The following TIPIN variants were observed in gnomAD, a reference collection of about 807,000 sequenced individuals.
The protein encoded by TIPIN is TIMELESS interacting protein.
A neutral mutation model predicts 35.6 loss-of-function variants in TIPIN; 29 were observed. The observed-to-expected ratio is 0.82, with a 90% CI of 0.61 to 1.11. The LOEUF is 1.11. TIPIN is among the 50% of genes most tolerant of loss of function. The pLI, the probability that TIPIN is intolerant of heterozygous loss-of-function variation, is 0.00. For missense variants in TIPIN, 296 were observed against 345.4 expected (o/e 0.86, Z 1.13); for synonymous variants, 102 against 121.5 (o/e 0.84, Z 1.06).
chr15:66,359,430 C>T (rs549847986), upstream of TIPIN, among the ~76,000 whole-genome samples: 1 of 152,054 alleles, frequency 6.6e-6, no homozygotes, highest in East Asian at 1.9e-4. Flanking sequence ...ACTGCAGCCT[C>T]AATCTCCTGG....
At chr15:66,339,689 C>G (rs2093071493) in intron 7 of TIPIN, among the ~76,000 whole-genome samples, 1 of 152,068 alleles carries the variant, frequency 6.6e-6, no homozygotes. Context: ...GTCAAGATCA[C>G]ACCACTGCAC....
At chr15:66,359,013 A>G (rs1412041474), upstream of TIPIN, among the ~76,000 whole-genome samples, 1 of 151,434 alleles carries the variant, frequency 6.6e-6, no homozygotes, top group Non-Finnish European at 1.5e-5. Context: ...ACGGCACTCC[A>G]GCCTGGGTGA....
At chr15:66,354,933 A>G (rs1456316537) in intron 1 of TIPIN, among the ~76,000 whole-genome samples, 1 of 151,984 alleles carries the variant, frequency 6.6e-6, no homozygotes, top group Non-Finnish European at 1.5e-5. Context: ...CTCCCAAACT[A>G]GACTGTAGCT....
At chr15:66,338,002 T>C (rs1478350397) in intron 7 of TIPIN, among the ~76,000 whole-genome samples, 1 of 152,172 alleles carries the variant, frequency 6.6e-6, no homozygotes, top group Non-Finnish European at 1.5e-5. Context: ...ATGCCTGTAA[T>C]CTCAGCACTT....
chr15:66,371,241 T>C, intron 1 of TIPIN: 1 of 984,958 alleles, frequency 1.0e-6, no homozygotes, highest in Non-Finnish European at 1.2e-6. Context: ...TATCAAGCTT[T>C]CTACTACCTG....
chr15:66,362,878 G>C (rs1164929698), intron 1 of TIPIN, among the ~76,000 whole-genome samples: 2 of 152,084 alleles, frequency 1.3e-5, no homozygotes, highest in East Asian at 1.9e-4. Context: ...TAAGTGCTGG[G>C]TTGCCAGTGA....
intron 1 of TIPIN, among the ~76,000 whole-genome samples, chr15:66,370,496 AG>A (rs370848278): frequency 8.9e-4 from 90 of 101,556 alleles, no homozygotes; most frequent in African/African-American, 3.3e-3. Flanking sequence ...GAGGGCCAGC[AG>A]GGGCATGGGG....
chr15:66,378,283 G>C (rs939920159), intron 1 of TIPIN, among the ~76,000 whole-genome samples: 11 of 152,020 alleles, frequency 7.2e-5, no homozygotes, highest in African/African-American at 2.4e-4. Context: ...TTATAGGCGT[G>C]AGCCACCGCA....
intron 1 of TIPIN, among the ~76,000 whole-genome samples, chr15:66,384,660 C>T (rs1226036709): frequency 2.6e-5 from 4 of 152,012 alleles, no homozygotes; most frequent in Non-Finnish European, 5.9e-5. Flanking sequence ...CGCCTGTAAA[C>T]CCAGCACTTT....
chr15:66,371,030 G>C (rs1434736421), intron 1 of TIPIN, among the ~76,000 whole-genome samples: 1 of 152,074 alleles, frequency 6.6e-6, no homozygotes, highest in African/African-American at 2.4e-5. Flanking sequence ...GGCCAACATG[G>C]TGAAACCTCG....
chr15:66,371,206 C>CAAAA (rs200596294), intron 1 of TIPIN: 68 of 879,702 alleles, frequency 7.7e-5, no homozygotes, highest in South Asian at 3.2e-4. Flanking sequence ...GGGAAACTCT[C>CAAAA]AAAAAAAAAA....
At chr15:66,351,773 G>A (rs918379101) in intron 3 of TIPIN, among the ~76,000 whole-genome samples, 173 bp from the exon 4 acceptor site, 1 of 151,772 alleles carries the variant, frequency 6.6e-6, no homozygotes, top group African/African-American at 2.4e-5. Flanking sequence ...CCAAGTAGCT[G>A]GGACTACAGG....
intron 1 of TIPIN, among the ~76,000 whole-genome samples, chr15:66,381,454 A>G (rs1478543679): frequency 6.6e-6 from 1 of 152,084 alleles, no homozygotes; most frequent in Non-Finnish European, 1.5e-5. Context: ...ATTAAAAAAA[A>G]AGAATAGAGA....
At chr15:66,342,186 C>CAAAAAAAAAAAAAAAAAAAAAAAAAAAAA (rs55711983) in intron 6 of TIPIN, among the ~76,000 whole-genome samples, 2 of 108,518 alleles carry the variant, frequency 1.8e-5, no homozygotes, top group African/African-American at 7.7e-5. Context: ...AAGACTGTCT[C>CAAAAAAAAAAAAAAAAAAAAAAAAAAAAA]AAAAAAAAAA....
chr15:66,356,604 G>C (rs2093205655), intron 1 of TIPIN, 35 bp downstream of exon 1: 2 of 985,916 alleles, frequency 2.0e-6, no homozygotes, highest in African/African-American at 1.8e-5. Context: ...CCCTCTCCCC[G>C]CAAGAACTTC....
intron 1 of TIPIN, chr15:66,379,633 C>G: frequency 6.2e-7 from 1 of 1,609,624 alleles, no homozygotes; most frequent in Non-Finnish European, 8.5e-7. Flanking sequence ...TAAGCATACA[C>G]AGACCTCATC....
intron 6 of TIPIN, among the ~76,000 whole-genome samples, chr15:66,345,434 C>G (rs991730028): frequency 6.6e-6 from 1 of 152,086 alleles, no homozygotes. Context: ...AGGCCGGGCA[C>G]AGTGGCTCAC....
chr15:66,348,008 C>CTTTT lies in TIPIN; in HGVS notation c.475+1048_475+1051dup, dbSNP rs543925918. On this transcript the variant is annotated intron_variant, in intron 6 of 7. Transcript: ENST00000261881. ...CTCTAACTACTTCTATTCTTTCTTT[C>CTTTT]TTTTTTTTTTTTTTTTCCAGACAAG... 9.7e-4 allele frequency among the ~76,000 whole-genome samples: 132 copies of CTTTT among 135,492 alleles called. 1 individual carries two copies. The highest frequency in any genetic ancestry group is 7.5e-3 in the South Asian group (33 of 4,422). 88.9% of individuals were successfully genotyped at this position (135,492 alleles called of 152,430 possible). A position where few individuals can be genotyped will look rare whatever the true frequency, so the allele number is the denominator to read the frequency against.
At chr15:66,379,266 A>G in intron 1 of TIPIN, 1 of 1,494,894 alleles carries the variant, frequency 6.7e-7, no homozygotes, top group Non-Finnish European at 8.9e-7. Context: ...TTATTACATC[A>G]TTTAAATATC....
Sources: gnomAD v4.1 joint callset for allele counts (sites outside exome capture counted in the v4.1 genomes callset) on GRCh38, gnomAD v4.1.1 for gene constraint, MANE v1.5 for transcripts, NCBI Gene and HGNC (gene_info 2026-07-23, HGNC 2026-07-21) for gene names.